CALHM5: variants seen among roughly 807,000 people sequenced by gnomAD.
CALHM5 encodes calcium homeostasis modulator protein 5.
Under a neutral mutation model 20.9 loss-of-function variants are expected in CALHM5, and 17 were observed. That is an observed-to-expected ratio of 0.82 (90% confidence interval 0.56 to 1.22). The LOEUF is 1.22. Ranked by LOEUF, CALHM5 falls within the 50% of genes most tolerant of loss-of-function variation. CALHM5 has a pLI of 0.00. For missense variants in CALHM5, 360 were observed against 364.6 expected (o/e 0.99, Z 0.10); for synonymous variants, 148 against 140.0 (o/e 1.06, Z -0.40).
In CALHM5 at chr6:116,521,373, G is replaced by C. The variant is rs137907902; in HGVS notation, c.*5384G>C. 3.3e-5 allele frequency: 5 copies of C among 152,090 alleles called. No individual in the cohort carries two copies. The highest frequency in any genetic ancestry group is 7.4e-5 in the Non-Finnish European group (5 of 68,022). The allele number at this position is 152,090 out of a possible 1,614,324, so 9.4% of individuals were successfully genotyped here. ...CCAGTCTGAGGGCCTGAGAACCAGG[G>C]GAGTTGATGGTACAAATCCCAGAGC... On this transcript the variant is annotated 3_prime_UTR_variant, in exon 2 of 2. Coordinates refer to ENST00000368599, the MANE Select transcript of CALHM5 (RefSeq NM_153711.5).
rs1037295869 is a variant in CALHM5, at chr6:116,518,702, G to C, written c.*2713G>C. 2.0e-5 allele frequency: 3 copies of C among 152,242 alleles called. No individual in the cohort carries two copies. Among genetic ancestry groups the C allele is most frequent in the Non-Finnish European group, 2.9e-5 (2 of 68,062 alleles). 9.4% of individuals were successfully genotyped at this position (152,242 alleles called of 1,614,324 possible). The stretch of plus-strand genomic sequence containing the variant: ...ACAGAAGTTCTACAGAAGTAGGTTA[G>C]CTGTAAGGAGCTGAGGATTGAGGAG... On this transcript the variant is annotated 3_prime_UTR_variant, in exon 2 of 2. Coordinates refer to ENST00000368599, the MANE Select transcript of CALHM5 (RefSeq NM_153711.5).
In CALHM5 at chr6:116,517,991, C is replaced by T. The variant is rs1385047949; in HGVS notation, c.*2002C>T. 6.6e-6 allele frequency: 1 copy of T among 152,366 alleles called. No individual in the cohort carries two copies. The highest frequency in any genetic ancestry group is 2.4e-5 in the African/African-American group (1 of 41,466). 9.4% of individuals were successfully genotyped at this position (152,366 alleles called of 1,614,324 possible). On this transcript the variant is annotated 3_prime_UTR_variant, in exon 2 of 2. Coordinates refer to ENST00000368599, the MANE Select transcript of CALHM5 (RefSeq NM_153711.5). ...GGTGAGCCCAAAGGGGCCGTGGAAGCTCCGTGCCCCTTCCCCCAAACCTGT... is the reference window on the plus strand; with the variant it reads ...GGTGAGCCCAAAGGGGCCGTGGAAGTTCCGTGCCCCTTCCCCCAAACCTGT...
At position 116,515,821 on chromosome 6, in the gene CALHM5, T is replaced by A; in HGVS notation, c.762T>A (p.Phe254Leu). 6.2e-7 allele frequency: 1 copy of A among 1,614,008 alleles called. No individual in the cohort carries two copies. Among genetic ancestry groups the A allele is most frequent in the African/African-American group, 1.3e-5 (1 of 75,038 alleles). ...TTGAAAACAAGAGGCCAGATCCTTT[T>A]CCCATGCCTACGTTTGCTGCCTGGG... is the stretch of plus-strand genomic sequence containing the variant. ...CFFENKRPDPFPMPTFAAWEA... is the reference protein window; with the variant it reads ...CFFENKRPDPLPMPTFAAWEA... The change falls in exon 2 of 2, where the codon TTT becomes TTA. Residue 254 changes from phenylalanine to leucine, a missense_variant. Coordinates refer to ENST00000368599, the MANE Select transcript of CALHM5 (RefSeq NM_153711.5).
intron 1 of CALHM5, among the ~76,000 whole-genome samples, chr6:116,513,356 T>G (rs747569688): frequency 5.9e-5 from 9 of 152,178 alleles, no homozygotes; most frequent in Non-Finnish European, 1.0e-4. Context: ...AGATAAAACA[T>G]ATCAGGCTCC....
In CALHM5 at chr6:116,523,444, T is replaced by C. The variant is rs561425679; in HGVS notation, c.*7455T>C. 6.6e-6 allele frequency: 1 copy of C among 152,376 alleles called. No individual in the cohort carries two copies. The highest frequency in any genetic ancestry group is 2.4e-5 in the African/African-American group (1 of 41,590). 9.4% of individuals were successfully genotyped at this position (152,376 alleles called of 1,614,324 possible). On this transcript the variant is annotated 3_prime_UTR_variant, in exon 2 of 2. Transcript: ENST00000368599. Reference sequence around the variant, plus strand: ...GAGTACGTGAAAAGCTATTGTCTTATGCTTATTAATTTTATCTCTCTACTA... The same window carrying C: ...GAGTACGTGAAAAGCTATTGTCTTACGCTTATTAATTTTATCTCTCTACTA...
rs549645988 is a variant in CALHM5 at position 116,521,428 on chromosome 6, T to G, written c.*5439T>G. ...GGCAAAGGAACCTGAAGTTTTTATTTCCAAGGGCCAATAGATAAGGAGAAT... is the reference window on the plus strand; with the variant it reads ...GGCAAAGGAACCTGAAGTTTTTATTGCCAAGGGCCAATAGATAAGGAGAAT... On this transcript the variant is annotated 3_prime_UTR_variant, in exon 2 of 2. Transcript: ENST00000368599. 6.6e-6 allele frequency: 1 copy of G among 151,998 alleles called. No homozygotes were observed. The highest frequency in any genetic ancestry group is 1.5e-5 in the Non-Finnish European group (1 of 67,988). 9.4% of individuals were successfully genotyped at this position (151,998 alleles called of 1,614,324 possible). A position where few individuals can be genotyped will look rare whatever the true frequency, so the allele number is the denominator to read the frequency against.
At position 116,515,746 on chromosome 6, in the gene CALHM5, A is replaced by C; in HGVS notation, c.687A>C (p.Thr229=). ...AQKEKEQLEN[T]FLDYANKLSE... ...AGGAGAAGGAGCAGTTGGAAAATAC[A>C]TTTCTGGACTATGCCAACAAGCTGA... Residue 229 remains threonine, a synonymous_variant, in exon 2 of 2, where the codon ACA becomes ACC. Coordinates refer to ENST00000368599, the MANE Select transcript of CALHM5 (RefSeq NM_153711.5). 1 of 1,614,034 alleles carries C rather than the reference A, an allele frequency of 6.2e-7. No individual in the cohort carries two copies. The highest frequency in any genetic ancestry group is 8.5e-7 in the Non-Finnish European group (1 of 1,179,934).
rs375362780 is a variant in CALHM5 at position 116,516,872 on chromosome 6, C to CT, written c.*884dup. On this transcript the variant is annotated 3_prime_UTR_variant, in exon 2 of 2. Coordinates refer to ENST00000368599, the MANE Select transcript of CALHM5 (RefSeq NM_153711.5). The stretch of plus-strand genomic sequence containing the variant: ...TTATGGTCCTTAGGCACAGTGCTTA[C>CT]TAGGCCGTGGGTATGTCTTAGTGCG... 6 of 152,014 alleles carry CT rather than the reference C, an allele frequency of 3.9e-5. No individual in the cohort carries two copies. Among genetic ancestry groups the CT allele is most frequent in the African/African-American group, 1.4e-4 (6 of 41,452 alleles). The allele number at this position is 152,014 out of a possible 1,614,324, so 9.4% of individuals were successfully genotyped here.
rs914832306 is a variant in CALHM5 at position 116,518,559 on chromosome 6, CCTT to C, written c.*2574_*2576del. ...GAGAGAAAATTCAGCAAAGAGTTCT[CCTT>C]CTTAATCTTTCTTGACTTAAAGTTT... is the stretch of plus-strand genomic sequence containing the variant. On this transcript the variant is annotated 3_prime_UTR_variant, in exon 2 of 2. Coordinates refer to ENST00000368599, the MANE Select transcript of CALHM5 (RefSeq NM_153711.5). The C allele has an allele frequency of 2.6e-5, 4 of 152,106 alleles. No homozygotes were observed. Among genetic ancestry groups the C allele is most frequent in the African/African-American group, 9.7e-5 (4 of 41,400 alleles). 9.4% of individuals were successfully genotyped at this position (152,106 alleles called of 1,614,324 possible).
chr6:116,516,149 A>C lies in CALHM5; in HGVS notation c.*160A>C. 1.1e-6 allele frequency: 1 copy of C among 904,402 alleles called. No homozygotes were observed. Among genetic ancestry groups the C allele is most frequent in the Non-Finnish European group, 1.6e-6 (1 of 641,574 alleles). 56.0% of individuals were successfully genotyped at this position (904,402 alleles called of 1,614,324 possible). On this transcript the variant is annotated 3_prime_UTR_variant, in exon 2 of 2. Transcript: ENST00000368599. ...AAACTGCTTTGAAGCTCTCAAGTGG[A>C]ACATCAGGATGTGCTCAAATTGATG...
rs538807715 is a variant in CALHM5, at chr6:116,518,178, G to A, written c.*2189G>A. On this transcript the variant is annotated 3_prime_UTR_variant, in exon 2 of 2. Transcript: ENST00000368599. ...TGCTTTGTAGCCACGTCAGATAGAAGATGTGAGTAACTTTGGAACCTACTG... is the reference window on the plus strand; with the variant it reads ...TGCTTTGTAGCCACGTCAGATAGAAAATGTGAGTAACTTTGGAACCTACTG... 8.5e-5 allele frequency: 13 copies of A among 152,346 alleles called. No individual in the cohort carries two copies. Among genetic ancestry groups the A allele is most frequent in the African/African-American group, 3.1e-4 (13 of 41,580 alleles). 9.4% of individuals were successfully genotyped at this position (152,346 alleles called of 1,614,324 possible).
Position 116,511,677 on chromosome 6 carries a change from T to C in CALHM5, c.-20T>C, listed in dbSNP as rs1389698321. On this transcript the variant is annotated 5_prime_UTR_variant, in exon 1 of 2. Transcript: ENST00000368599. ...TGCCAATAACAAAGGCACAGCATTT[T>C]CCCTCTGTGCATCTCCAACATGGAT... 6.2e-7 allele frequency: 1 copy of C among 1,606,130 alleles called. No individual in the cohort carries two copies. The highest frequency in any genetic ancestry group is 1.1e-5 in the South Asian group (1 of 90,258).
chr6:116,515,025 C>T (rs1477984835), intron 1 of CALHM5, among the ~76,000 whole-genome samples: 1 of 152,054 alleles, frequency 6.6e-6, no homozygotes, highest in Non-Finnish European at 1.5e-5. Flanking sequence ...TTCTAATTAC[C>T]AAAAATCAAG....
rs909821846 is a variant in CALHM5 at position 116,522,431 on chromosome 6, G to A, written c.*6442G>A. 6.6e-6 allele frequency: 1 copy of A among 152,112 alleles called. No homozygotes were observed. Among genetic ancestry groups the A allele is most frequent in the Admixed American group, 6.6e-5 (1 of 15,262 alleles). The allele number at this position is 152,112 out of a possible 1,614,324, so 9.4% of individuals were successfully genotyped here. On this transcript the variant is annotated 3_prime_UTR_variant, in exon 2 of 2. Coordinates refer to ENST00000368599, the MANE Select transcript of CALHM5 (RefSeq NM_153711.5). ...ATTTATAAAAAGACAAAAATTACAG[G>A]CAAATTGTATTTATACATTTATACA...
At position 116,516,579 on chromosome 6, in the gene CALHM5, C is replaced by T. The variant is rs1458946008; in HGVS notation, c.*590C>T. 1 of 150,822 alleles carries T rather than the reference C, an allele frequency of 6.6e-6. No individual in the cohort carries two copies. The highest frequency in any genetic ancestry group is 1.5e-5 in the Non-Finnish European group (1 of 67,848). The allele number at this position is 150,822 out of a possible 1,614,324, so 9.3% of individuals were successfully genotyped here. A position where few individuals can be genotyped will look rare whatever the true frequency, so the allele number is the denominator to read the frequency against. ...TATACTGAAAATACTCCCCTGGAAGCAGGGCTGCATCATAATTTTTGTGGG... is the reference window on the plus strand; with the variant it reads ...TATACTGAAAATACTCCCCTGGAAGTAGGGCTGCATCATAATTTTTGTGGG... On this transcript the variant is annotated 3_prime_UTR_variant, in exon 2 of 2. Transcript: ENST00000368599.
Position 116,522,374 on chromosome 6 carries a change from G to C in CALHM5, c.*6385G>C, listed in dbSNP as rs1772361753. The stretch of plus-strand genomic sequence containing the variant: ...ACTGAATTTTGGGGCAATATGAAGC[G>C]ACAGAACCTGAACACTAACATGAAA... On this transcript the variant is annotated 3_prime_UTR_variant, in exon 2 of 2. Coordinates refer to ENST00000368599, the MANE Select transcript of CALHM5 (RefSeq NM_153711.5). 6.6e-6 allele frequency: 1 copy of C among 152,168 alleles called. No individual in the cohort carries two copies. Among genetic ancestry groups the C allele is most frequent in the Admixed American group, 6.5e-5 (1 of 15,280 alleles). 9.4% of individuals were successfully genotyped at this position (152,168 alleles called of 1,614,324 possible). A position where few individuals can be genotyped will look rare whatever the true frequency, so the allele number is the denominator to read the frequency against.
chr6:116,511,764 T>G lies in CALHM5; in HGVS notation c.68T>G (p.Met23Arg), dbSNP rs1434210499. 1 of 1,613,984 alleles carries G rather than the reference T, an allele frequency of 6.2e-7. No individual in the cohort carries two copies. The change falls in exon 1 of 2, where the codon ATG becomes AGG. Residue 23 changes from methionine (M) to arginine (R), a missense_variant. Physicochemically the swap from Met to Arg is moderately conservative, Grantham distance 91. Transcript: ENST00000368599. ...NQKTVIGYSF[M>R]ALLTVGSERL... ...AAAACTGTTATTGGCTACAGCTTCA[T>G]GGCTCTGCTGACCGTGGGAAGTGAG...
In CALHM5 at chr6:116,511,962, C is replaced by T; in HGVS notation, c.266C>T (p.Pro89Leu). 1 of 1,613,926 alleles carries T rather than the reference C, an allele frequency of 6.2e-7. No individual in the cohort carries two copies. Among genetic ancestry groups the T allele is most frequent in the Non-Finnish European group, 8.5e-7 (1 of 1,179,984 alleles). ...GCCVNPRKIF[P>L]RGHSCRFFYV... ...TGTGTGAATCCCAGGAAAATCTTTC[C>T]CAGAGGCCACAGCTGCCGTTTCTTC... The change falls in exon 1 of 2, where the codon CCC (proline) becomes CTC (leucine). Residue 89 changes from proline to leucine, a missense_variant. Pro to Leu is a moderately conservative substitution (Grantham distance 98). Coordinates refer to ENST00000368599, the MANE Select transcript of CALHM5 (RefSeq NM_153711.5).
rs1186354338 is a variant in CALHM5, at chr6:116,524,299, A to T, written c.*8310A>T. Reference sequence around the variant, plus strand: ...CTTTACATTTGTATATGTTTGAAAAATTTCATAAGGTACACAACAAAATAA... The same window carrying T: ...CTTTACATTTGTATATGTTTGAAAATTTTCATAAGGTACACAACAAAATAA... On this transcript the variant is annotated 3_prime_UTR_variant, in exon 2 of 2. Coordinates refer to ENST00000368599, the MANE Select transcript of CALHM5 (RefSeq NM_153711.5). 1 of 152,170 alleles carries T rather than the reference A, an allele frequency of 6.6e-6. No individual in the cohort carries two copies. Among genetic ancestry groups the T allele is most frequent in the Non-Finnish European group, 1.5e-5 (1 of 68,022 alleles). 9.4% of individuals were successfully genotyped at this position (152,170 alleles called of 1,614,324 possible).
Sources: allele counts gnomAD v4.1 joint callset (sites outside exome capture counted in the v4.1 genomes callset), GRCh38; gene constraint gnomAD v4.1.1; transcripts MANE v1.5; gene names NCBI Gene and HGNC (gene_info 2026-07-23, HGNC 2026-07-21).